The following RANBP3L variants were observed in gnomAD, a reference collection of about 807,000 sequenced individuals.
RANBP3L encodes RAN binding protein 3 like.
In RANBP3L, 56 loss-of-function variants were observed where a neutral mutation model predicts 67.2. The observed-to-expected ratio is 0.83, with a 90% CI of 0.67 to 1.04. The LOEUF is 1.04. Among genes scored for constraint, RANBP3L ranks in the 50% least tolerant of loss-of-function variants. The pLI is 0.00. For missense variants in RANBP3L, 496 were observed against 535.5 expected, an observed-to-expected ratio of 0.93 and a Z score of 0.73; for synonymous variants, 164 against 181.4, an observed-to-expected ratio of 0.90 and a Z score of 0.77.
At chr5:36,250,218 TTTA>T (rs1313409523) in intron 13 of RANBP3L, among the ~76,000 whole-genome samples, 22 of 151,972 alleles carry the variant, frequency 1.4e-4, no homozygotes, top group East Asian at 1.9e-4. Flanking sequence ...TAGACCCCAT[TTTA>T]TTGTTGGCAG....
At chr5:36,289,684 C>T (rs1312437356) in intron 1 of RANBP3L, among the ~76,000 whole-genome samples, 1 of 152,004 alleles carries the variant, frequency 6.6e-6, no homozygotes, top group Admixed American at 6.6e-5. Context: ...CACTTGTTGT[C>T]AGCTAATATA....
chr5:36,279,994 G>A (rs1381692500), intron 1 of RANBP3L, among the ~76,000 whole-genome samples: 1 of 146,038 alleles, frequency 6.8e-6, no homozygotes, highest in African/African-American at 2.8e-5. Flanking sequence ...AAAACTCTCT[G>A]TCAATATGAC....
intron 12 of RANBP3L, 57 bp downstream of exon 12, chr5:36,253,584 AGTAATT>A: frequency 3.7e-6 from 5 of 1,357,724 alleles, no homozygotes. Context: ...AAAACAAATT[AGTAATT>A]GCAGACGTCT....
At position 36,301,330 on chromosome 5, in the gene RANBP3L, C is replaced by T; in HGVS notation, c.87G>A (p.Gln29=). The T allele has an allele frequency of 6.2e-7, 1 of 1,611,932 alleles. No homozygotes were observed. Among genetic ancestry groups the T allele is most frequent in the Non-Finnish European group, 8.5e-7 (1 of 1,178,170 alleles). The part of the protein sequence containing the change: ...CKLKLQEDRR[Q]QEKSVIAQPI... ...TCATGAGCTGGACGGACTCACCTTG[C>T]TGTCGCCGGTCCTCCTGCAGCTTCA... Residue 29 remains glutamine (Q), a synonymous_variant, in exon 1 of 14, where the codon CAG becomes CAA. Transcript: ENST00000296604.
At chr5:36,271,918 A>G (rs1750243055) in intron 1 of RANBP3L, among the ~76,000 whole-genome samples, 1 of 152,212 alleles carries the variant, frequency 6.6e-6, no homozygotes, top group South Asian at 2.1e-4. Flanking sequence ...AGATATGGCA[A>G]TAGAGAGAAA....
rs775551712 is a variant in RANBP3L at position 36,271,289 on chromosome 5, G to A, written c.114C>T (p.Pro38=). 21 of 1,588,506 alleles carry A rather than the reference G, an allele frequency of 1.3e-5. No homozygotes were observed. The highest frequency in any genetic ancestry group is 2.2e-5 in the East Asian group (1 of 44,676). ...GTTCTCCCTTTTCAAAAACAAATAT[G>A]GGTTGAGCAATGACAGATTTTTCTG... is the stretch of plus-strand genomic sequence containing the variant. ...RQQEKSVIAQ[P]IFVFEKGEQT... The change falls in exon 2 of 14, where the codon CCC becomes CCT. Residue 38 remains proline, a synonymous_variant. Coordinates refer to ENST00000296604, the MANE Select transcript of RANBP3L (RefSeq NM_145000.5).
intron 1 of RANBP3L, among the ~76,000 whole-genome samples, chr5:36,273,901 A>T (rs531615170): frequency 6.6e-6 from 1 of 152,306 alleles, no homozygotes; most frequent in South Asian, 2.1e-4. Flanking sequence ...TTCCCTGTTC[A>T]TAGTGAACTG....
intron 1 of RANBP3L, among the ~76,000 whole-genome samples, chr5:36,299,120 C>G (rs549732482): frequency 6.6e-5 from 10 of 152,222 alleles, no homozygotes; most frequent in Non-Finnish European, 1.0e-4. Flanking sequence ...AGCCTCCCAG[C>G]CTACATCTTT....
At chr5:36,269,784 C>T (rs554529242) in intron 3 of RANBP3L, among the ~76,000 whole-genome samples, 167 bp downstream of exon 3, 1 of 152,284 alleles carries the variant, frequency 6.6e-6, no homozygotes, top group South Asian at 2.1e-4. Context: ...TCAGTGTTCT[C>T]AGGGACCTAT....
At chr5:36,267,127 C>G (rs910494955) in intron 4 of RANBP3L, among the ~76,000 whole-genome samples, 5 of 152,176 alleles carry the variant, frequency 3.3e-5, no homozygotes, top group Non-Finnish European at 7.3e-5. Flanking sequence ...TAAAAGGTGT[C>G]TCTTCTGCAT....
Position 36,297,803 on chromosome 5 carries a change from G to T in RANBP3L, c.91+3523C>A, listed in dbSNP as rs536409810. On this transcript the variant is annotated intron_variant, in intron 1 of 13. Coordinates refer to ENST00000296604, the MANE Select transcript of RANBP3L (RefSeq NM_145000.5). The stretch of plus-strand genomic sequence containing the variant: ...TTTGTTGTCATAGTAAACTCCACGT[G>T]GACAGAAAACCATGGCTTAGTTGTC... 4.5e-4 allele frequency among the ~76,000 whole-genome samples: 69 copies of T among 152,224 alleles called. 1 individual carries two copies. In the South Asian group the frequency reaches 0.014, roughly 30 times the overall value.
intron 7 of RANBP3L, among the ~76,000 whole-genome samples, 160 bp downstream of exon 7, chr5:36,261,779 A>T (rs1382687106): frequency 6.6e-6 from 1 of 152,210 alleles, no homozygotes; most frequent in South Asian, 2.1e-4. Flanking sequence ...AAATATTTTT[A>T]AAAACATTTT....
intron 6 of RANBP3L, among the ~76,000 whole-genome samples, chr5:36,263,364 T>C (rs1251850217): frequency 6.6e-6 from 1 of 152,168 alleles, no homozygotes; most frequent in Admixed American, 6.5e-5. Flanking sequence ...TTTTAAAATA[T>C]GCAATGCAAT....
At chr5:36,266,536 A>G (rs1415425665) in intron 4 of RANBP3L, among the ~76,000 whole-genome samples, 1 of 152,220 alleles carries the variant, frequency 6.6e-6, no homozygotes, top group Non-Finnish European at 1.5e-5. Context: ...TTGAACATCA[A>G]CAAAAAAAGA....
chr5:36,250,959 G>C (rs930922335), intron 13 of RANBP3L, among the ~76,000 whole-genome samples: 4 of 151,980 alleles, frequency 2.6e-5, no homozygotes, highest in African/African-American at 9.7e-5. Context: ...TTTACCAAGT[G>C]GGCTTATTAT....
At chr5:36,278,341 T>C (rs1750742982) in intron 1 of RANBP3L, among the ~76,000 whole-genome samples, 1 of 152,112 alleles carries the variant, frequency 6.6e-6, no homozygotes, top group African/African-American at 2.4e-5. Flanking sequence ...CAAAGTGTGA[T>C]CCAGATGGAC....
Position 36,247,175 on chromosome 5 carries a change from A to G in RANBP3L, c.*2479T>C, listed in dbSNP as rs1748345479. Reference sequence around the variant, plus strand: ...GAACAAAGGACATAGGAAAGCTGAAAAGAAGGCTAGATGAAGATACAGGAC... The same window carrying G: ...GAACAAAGGACATAGGAAAGCTGAAGAGAAGGCTAGATGAAGATACAGGAC... On this transcript the variant is annotated 3_prime_UTR_variant, in exon 14 of 14. Transcript: ENST00000296604. 6.6e-6 allele frequency among the ~76,000 whole-genome samples: 1 copy of G among 152,214 alleles called. No homozygotes were observed. Among genetic ancestry groups the G allele is most frequent in the Admixed American group, 6.5e-5 (1 of 15,290 alleles).
At chr5:36,260,179 C>G (rs1032386821) in intron 8 of RANBP3L, among the ~76,000 whole-genome samples, 2 of 145,074 alleles carry the variant, frequency 1.4e-5, no homozygotes, top group African/African-American at 5.1e-5. Flanking sequence ...CAGTGAAACC[C>G]CATCTCTACT....
intron 1 of RANBP3L, among the ~76,000 whole-genome samples, chr5:36,286,706 G>T (rs971773709): frequency 1.3e-5 from 2 of 152,158 alleles, no homozygotes; most frequent in African/African-American, 4.8e-5. Flanking sequence ...TAAAAATATT[G>T]CTCTAACTGA....
Sources: gnomAD v4.1 joint callset for allele counts (sites outside exome capture counted in the v4.1 genomes callset) on GRCh38, gnomAD v4.1.1 for gene constraint, MANE v1.5 for transcripts, NCBI Gene and HGNC (gene_info 2026-07-23, HGNC 2026-07-21) for gene names.